The following SETD4 variants were observed in gnomAD, a reference collection of about 807,000 sequenced individuals.
SETD4 encodes the protein SET domain containing 4.
SETD4 carries 46 observed loss-of-function variants against 58.3 expected under a neutral mutation model. That is an observed-to-expected ratio of 0.79 (90% CI 0.62 to 1.01). SETD4 has a LOEUF of 1.01. Among genes scored for constraint, SETD4 ranks in the 50% least tolerant of loss-of-function variants. The probability of loss-of-function intolerance (pLI) is 0.00; values close to 1 mark genes in which losing one functional copy is unlikely to be tolerated. For missense variants in SETD4, 490 were observed against 523.3 expected (o/e 0.94, Z 0.62); for synonymous variants, 190 against 202.6 (o/e 0.94, Z 0.53).
At chr21:36,059,759 A>G (rs1441266401) in intron 1 of SETD4, 4 of 985,492 alleles carry the variant, frequency 4.1e-6, no homozygotes, top group Non-Finnish European at 4.8e-6. Context: ...GAAATGAGCA[A>G]GAGACAAGAA....
In SETD4 at chr21:36,037,893, G is replaced by A. The variant is rs543628221; in HGVS notation, c.1188+257C>T. ...TGCCTGTAATCCCAGCTACCCGGGA[G>A]GCTGAGGCAGGAGGATCGCTTGAAC... On this transcript the variant is annotated intron_variant, in intron 10 of 11. Transcript: ENST00000332131. Among the ~76,000 whole-genome samples, 5 of 152,186 alleles carry A rather than the reference G, an allele frequency of 3.3e-5. No individual in the cohort carries two copies. The East Asian group carries it at 9.7e-4, about 30-fold the overall frequency.
intron 4 of SETD4, among the ~76,000 whole-genome samples, chr21:36,049,798 A>G (rs2064547083): frequency 6.6e-6 from 1 of 152,206 alleles, no homozygotes; most frequent in Non-Finnish European, 1.5e-5. Context: ...TGATAAAACA[A>G]CCATATTTGA....
At chr21:36,054,350 C>A (rs187396386) in intron 3 of SETD4, among the ~76,000 whole-genome samples, 32 of 152,352 alleles carry the variant, frequency 2.1e-4, no homozygotes, top group Middle Eastern at 3.4e-3. Flanking sequence ...AACAGTCAGA[C>A]AAACATTGAA....
intron 9 of SETD4, 120 bp from the exon 10 acceptor site, chr21:36,038,393 C>G: frequency 1.6e-6 from 2 of 1,246,130 alleles, no homozygotes; most frequent in Non-Finnish European, 2.2e-6. Context: ...ACAACTCATT[C>G]CATAAGCAGA....
At chr21:36,047,719 G>A (rs555331768) in intron 5 of SETD4, among the ~76,000 whole-genome samples, 12 of 151,638 alleles carry the variant, frequency 7.9e-5, no homozygotes, top group African/African-American at 2.2e-4. Context: ...GGCCGGGCAC[G>A]GTGGCTCACA....
rs1210785444 is a variant in SETD4 at position 36,047,150 on chromosome 21, G to A, written c.297-1139C>T. On this transcript the variant is annotated intron_variant, in intron 5 of 11. Transcript: ENST00000332131. ...CACACCTGTAATCCCAGCTATTTGG[G>A]AGGCTGAGGCATGAGAACTGCTTGA... Among the ~76,000 whole-genome samples the A allele has an allele frequency of 2.6e-5, 4 of 152,154 alleles. No homozygotes were observed. In the South Asian group the frequency reaches 6.2e-4, roughly 24 times the overall value.
intron 10 of SETD4, chr21:36,036,579 T>G (rs1324639566): frequency 1.1e-6 from 1 of 912,350 alleles, no homozygotes; most frequent in Non-Finnish European, 1.3e-6. Context: ...TCTGGCTTAT[T>G]TCATTTCCAA....
At chr21:36,052,397 A>T (rs78393308) in intron 4 of SETD4, among the ~76,000 whole-genome samples, 56,016 of 150,432 alleles carry the variant, frequency 0.37, 10,514 homozygotes, top group Admixed American at 0.41. Flanking sequence ...AAAAAAAAAA[A>T]AAAAAAAAAA....
intron 2 of SETD4, among the ~76,000 whole-genome samples, chr21:36,058,354 A>T (rs1364282800): frequency 3.9e-5 from 6 of 152,012 alleles, no homozygotes; most frequent in Non-Finnish European, 7.4e-5. Flanking sequence ...AAAAAACATT[A>T]GCCGGGTGCA....
At chr21:36,057,897 A>C (rs2065067098) in intron 2 of SETD4, among the ~76,000 whole-genome samples, 1 of 152,268 alleles carries the variant, frequency 6.6e-6, no homozygotes, top group African/African-American at 2.4e-5. Flanking sequence ...TCAGCAAAAA[A>C]AAAAGTGAGC....
At chr21:36,046,628 C>T (rs1314980287) in intron 5 of SETD4, among the ~76,000 whole-genome samples, 5 of 152,180 alleles carry the variant, frequency 3.3e-5, no homozygotes, top group Non-Finnish European at 5.9e-5. Context: ...CCAACCTAAA[C>T]CAAAACTGAA....
At chr21:36,050,400 A>C (rs2064602978) in intron 4 of SETD4, 1 of 1,614,024 alleles carries the variant, frequency 6.2e-7, no homozygotes, top group Admixed American at 1.7e-5. Context: ...GGGTCTGCGG[A>C]TCAATGGAGA....
chr21:36,049,592 G>A (rs1018358171), intron 4 of SETD4, among the ~76,000 whole-genome samples: 5 of 152,056 alleles, frequency 3.3e-5, no homozygotes, highest in African/African-American at 1.2e-4. Context: ...AAAATCTTCC[G>A]GGATCAATTT....
intron 5 of SETD4, among the ~76,000 whole-genome samples, chr21:36,047,703 C>T (rs2064399236): frequency 1.3e-5 from 2 of 151,498 alleles, no homozygotes; most frequent in African/African-American, 4.9e-5. Flanking sequence ...TAAGAACAAA[C>T]TTTCTGGCCG....
intron 9 of SETD4, 98 bp downstream of exon 9, chr21:36,040,467 TCCTCCCTGGC>T: frequency 3.5e-6 from 3 of 854,822 alleles, no homozygotes; most frequent in Admixed American, 3.9e-5. Context: ...CATCCCTTTT[TCCTCCCTGGC>T]TGGGTATCTG....
intron 1 of SETD4, 122 bp from the exon 2 acceptor site, chr21:36,059,046 T>A: frequency 8.6e-7 from 1 of 1,160,082 alleles, no homozygotes; most frequent in Non-Finnish European, 1.2e-6. Flanking sequence ...CCTTTAAGTA[T>A]ACAAATGTAT....
chr21:36,058,883 C>A lies in SETD4; in HGVS notation c.6G>T (p.Gln2His). The change falls in exon 2 of 12, where the codon CAG (glutamine) becomes CAT (histidine). Residue 2 changes from glutamine (Q) to histidine (H), a missense_variant. Gln to His is a conservative substitution (Grantham distance 24, BLOSUM62 0). Coordinates refer to ENST00000332131, the MANE Select transcript of SETD4 (RefSeq NM_017438.5). ...TCCGGCTTGTTCTCCCTTTTCCTTT[C>A]TGCATGCTAAAACTGTAGTTTCTTT... MQKGKGRTSRIR... is the reference protein window; with the variant it reads MHKGKGRTSRIR... The A allele has an allele frequency of 6.3e-7, 1 of 1,598,378 alleles. No individual in the cohort carries two copies. The highest frequency in any genetic ancestry group is 1.3e-5 in the African/African-American group (1 of 74,316).
chr21:36,041,843 T>C lies in SETD4; in HGVS notation c.947A>G (p.Lys316Arg), dbSNP rs2064078300. 6.7e-7 allele frequency: 1 copy of C among 1,485,394 alleles called. No homozygotes were observed. Among genetic ancestry groups the C allele is most frequent in the Non-Finnish European group, 9.2e-7 (1 of 1,087,738 alleles). 92.0% of individuals were successfully genotyped at this position (1,485,394 alleles called of 1,614,324 possible). The change falls in exon 8 of 12, where the codon AAA becomes AGA. Residue 316 changes from lysine (K) to arginine (R), a missense_variant. Physicochemically the swap from Lys to Arg is conservative, Grantham distance 26. Transcript: ENST00000332131. The stretch of plus-strand genomic sequence containing the variant: ...ATGATCCTTTAAAATAGAAATCTTT[T>C]TGTCCATCTGTTTATCTGTTGATGG... ...YLPSTDKQMDKKISILKDHGY... is the reference protein window; with the variant it reads ...YLPSTDKQMDRKISILKDHGY...
chr21:36,057,072 G>C (rs756729646), intron 3 of SETD4, 37 bp downstream of exon 3: 7 of 1,553,470 alleles, frequency 4.5e-6, no homozygotes, highest in Non-Finnish European at 6.2e-6. Flanking sequence ...TGGCTCTCGT[G>C]TGGGAAAGGG....
Sources: gnomAD v4.1 joint callset for allele counts (sites outside exome capture counted in the v4.1 genomes callset) on GRCh38, gnomAD v4.1.1 for gene constraint, MANE v1.5 for transcripts, NCBI Gene and HGNC (gene_info 2026-07-23, HGNC 2026-07-21) for gene names.